The following SCN8A variants were observed in gnomAD, a reference collection of about 807,000 sequenced individuals.
The protein encoded by SCN8A is sodium channel protein type 8 subunit alpha.
A neutral mutation model predicts 184.1 loss-of-function variants in SCN8A; 30 were observed. That is an observed-to-expected ratio of 0.16 (90% confidence interval 0.12 to 0.22). SCN8A has a LOEUF of 0.22. Among genes scored for constraint, SCN8A ranks in the 10% least tolerant of loss-of-function variants. The probability of loss-of-function intolerance (pLI) is 1.00; values close to 1 mark genes in which losing one functional copy is unlikely to be tolerated. For missense variants in SCN8A, 1,057 were observed against 2,498.9 expected (o/e 0.42, Z 12.30); for synonymous variants, 852 against 907.0 (o/e 0.94, Z 1.09).
intron 12 of SCN8A, among the ~76,000 whole-genome samples, chr12:51,723,631 C>T (rs1041275021): frequency 6.6e-6 from 1 of 151,886 alleles, no homozygotes. Context: ...ATCCCAGCAC[C>T]TTGGGAGGCC....
At chr12:51,703,517 A>G (rs1941727531) in intron 9 of SCN8A, among the ~76,000 whole-genome samples, 1 of 152,240 alleles carries the variant, frequency 6.6e-6, no homozygotes. Flanking sequence ...ACCTTGGAGT[A>G]TATCAACATT....
chr12:51,611,406 C>A (rs969583612), intron 1 of SCN8A, among the ~76,000 whole-genome samples: 8 of 152,184 alleles, frequency 5.3e-5, no homozygotes, highest in Non-Finnish European at 1.5e-5. Context: ...CTTGTGATCG[C>A]CTTCCTCAGC....
intron 11 of SCN8A, among the ~76,000 whole-genome samples, chr12:51,708,133 TC>T (rs773281906): frequency 1.3e-5 from 2 of 152,194 alleles, no homozygotes; most frequent in East Asian, 3.8e-4. Context: ...CCTCTAAGCA[TC>T]AGAATTTAGC....
intron 1 of SCN8A, among the ~76,000 whole-genome samples, chr12:51,614,190 A>G (rs777843049): frequency 1.3e-5 from 2 of 152,088 alleles, no homozygotes; most frequent in Non-Finnish European, 2.9e-5. Context: ...AGTTTTGTCC[A>G]TCGACTATAC....
At chr12:51,796,719 A>G (rs574231842) in intron 26 of SCN8A, among the ~76,000 whole-genome samples, 72 of 152,318 alleles carry the variant, frequency 4.7e-4, no homozygotes, top group African/African-American at 1.6e-3. Flanking sequence ...CCTCAAAAGT[A>G]GGGAAGCTGA....
chr12:51,626,656 A>AT (rs1459454627), intron 1 of SCN8A, among the ~76,000 whole-genome samples: 1 of 152,172 alleles, frequency 6.6e-6, no homozygotes, highest in Non-Finnish European at 1.5e-5. Flanking sequence ...TTATAACAAA[A>AT]TAGAGTATGT....
chr12:51,710,296 A>G (rs966035924), intron 11 of SCN8A, among the ~76,000 whole-genome samples: 3 of 152,138 alleles, frequency 2.0e-5, no homozygotes, highest in African/African-American at 7.2e-5. Context: ...CTGAACCAGA[A>G]TGAGCTACTA....
intron 12 of SCN8A, among the ~76,000 whole-genome samples, chr12:51,739,279 T>A (rs78695753): frequency 6.6e-6 from 1 of 152,110 alleles, no homozygotes; most frequent in Admixed American, 6.5e-5. Flanking sequence ...AACCTCTAAA[T>A]CACCCTCTCG....
chr12:51,789,276 G>T lies in SCN8A; in HGVS notation c.4282-5G>T. ...TTCTCTTCCTTTTATCCTGTCCTTT[G>T]ACAGCCTGATGAGCAGCCTAAGTAT... On this transcript the variant is annotated splice_polypyrimidine_tract_variant and splice_region_variant and intron_variant, in intron 23 of 26. Coordinates refer to ENST00000627620, the MANE Select transcript of SCN8A (RefSeq NM_001330260.2). The T allele has an allele frequency of 6.2e-7, 1 of 1,613,668 alleles. No individual in the cohort carries two copies. The highest frequency in any genetic ancestry group is 1.1e-5 in the South Asian group (1 of 90,990).
chr12:51,649,981 C>T (rs1318061759), intron 1 of SCN8A, among the ~76,000 whole-genome samples: 2 of 152,214 alleles, frequency 1.3e-5, no homozygotes, highest in Non-Finnish European at 2.9e-5. Flanking sequence ...TCCAAGTCAC[C>T]TCTTGAATGC....
chr12:51,812,415 T>G lies in SCN8A; in HGVS notation c.*4986T>G. ...ATAATACTGACCTACCTCACAGGGG[T>G]GTTGTGAGGCTTTAACTAAATGTTT... On this transcript the variant is annotated 3_prime_UTR_variant, in exon 27 of 27. Coordinates refer to ENST00000627620, the MANE Select transcript of SCN8A (RefSeq NM_001330260.2). The G allele has an allele frequency of 6.6e-6, 1 of 152,658 alleles. No individual in the cohort carries two copies. The highest frequency in any genetic ancestry group is 1.9e-4 in the East Asian group (1 of 5,198). 9.5% of individuals were successfully genotyped at this position (152,658 alleles called of 1,614,324 possible).
chr12:51,592,443 C>T (rs1044200246), intron 1 of SCN8A, among the ~76,000 whole-genome samples: 2 of 152,124 alleles, frequency 1.3e-5, no homozygotes, highest in African/African-American at 4.8e-5. Context: ...CATCCGACTA[C>T]TCCACCCTAT....
At chr12:51,665,429 G>C (rs1188671743) in intron 2 of SCN8A, among the ~76,000 whole-genome samples, 4 of 151,878 alleles carry the variant, frequency 2.6e-5, no homozygotes, top group Non-Finnish European at 5.9e-5. Flanking sequence ...TGGTAATCTT[G>C]AAAAAATATA....
At chr12:51,791,211 A>G (rs531201404) in intron 25 of SCN8A, among the ~76,000 whole-genome samples, 2 of 152,242 alleles carry the variant, frequency 1.3e-5, no homozygotes, top group East Asian at 3.9e-4. Context: ...CAGACACAAC[A>G]CCACCAAAAA....
intron 1 of SCN8A, among the ~76,000 whole-genome samples, chr12:51,608,120 A>C (rs1939638242): frequency 6.8e-6 from 1 of 147,712 alleles, no homozygotes; most frequent in African/African-American, 2.5e-5. Flanking sequence ...TCCCGGGTTC[A>C]CACCATTCTC....
chr12:51,780,063 G>A (rs890921506), intron 20 of SCN8A: 7 of 289,042 alleles, frequency 2.4e-5, no homozygotes, highest in African/African-American at 1.1e-4. Flanking sequence ...ATGTCGTGAC[G>A]CATCAGATTC....
chr12:51,630,633 G>A lies in SCN8A; in HGVS notation c.-54-32131G>A, dbSNP rs769581411. 2.2e-4 allele frequency among the ~76,000 whole-genome samples: 33 copies of A among 152,152 alleles called. 1 individual carries two copies. Among genetic ancestry groups the A allele is most frequent in the South Asian group, 1.2e-3 (6 of 4,814 alleles). On this transcript the variant is annotated intron_variant, in intron 1 of 26. Transcript: ENST00000627620. ...GATGCTTCTTCCACAGCATTCTGGC[G>A]TCTGTCCGGAAAGGCTCCTTGTAGA...
intron 12 of SCN8A, among the ~76,000 whole-genome samples, chr12:51,731,228 T>TTTTTTC (rs1219703927): frequency 6.6e-6 from 1 of 150,970 alleles, no homozygotes; most frequent in African/African-American, 2.5e-5. Flanking sequence ...TACTGATTTC[T>TTTTTTC]TTTTTCTTTT....
chr12:51,704,574 G>A, intron 9 of SCN8A, among the ~76,000 whole-genome samples: 1 of 151,308 alleles, frequency 6.6e-6, no homozygotes, highest in Non-Finnish European at 1.5e-5. Context: ...GGAGGCTGAG[G>A]TGGGAGAATT....
Sources: allele counts gnomAD v4.1 joint callset (sites outside exome capture counted in the v4.1 genomes callset), GRCh38; gene constraint gnomAD v4.1.1; transcripts MANE v1.5; gene names NCBI Gene and HGNC (gene_info 2026-07-23, HGNC 2026-07-21).